FBXW7: variants seen among roughly 807,000 people sequenced by gnomAD.
FBXW7 encodes F-box and WD repeat domain containing 7.
FBXW7 carries 11 observed loss-of-function variants against 86.3 expected under a neutral mutation model. The ratio of observed to expected loss-of-function variants is 0.13; its 90% CI spans 0.08 to 0.21. The LOEUF is 0.21. Ranked by LOEUF, FBXW7 falls within the 10% of genes least tolerant of loss-of-function variation. The pLI, the probability that FBXW7 is intolerant of heterozygous loss-of-function variation, is 1.00. For synonymous variants in FBXW7, 313 were observed against 297.9 expected (o/e 1.05, Z -0.52); for missense variants, 488 against 847.4 (o/e 0.58, Z 5.27).
In FBXW7 at chr4:152,535,971, C is replaced by T. The variant is rs1750526596; in HGVS notation, c.-1057G>A. The T allele has an allele frequency of 1.1e-5, 3 of 271,282 alleles. No homozygotes were observed. Among genetic ancestry groups the T allele is most frequent in the Middle Eastern group, 1.0e-3 (1 of 1,002 alleles). 16.8% of individuals were successfully genotyped at this position (271,282 alleles called of 1,614,324 possible). ...CGGCCAGTGCAGGGGGACTGGATCT[C>T]TCGGATGCTCCTTCGCTCTCAGTCT... On this transcript the variant is annotated 5_prime_UTR_variant, in exon 1 of 14. Coordinates refer to ENST00000281708, the MANE Select transcript of FBXW7 (RefSeq NM_001349798.2).
At chr4:152,489,239 G>A (rs1745622497) in intron 2 of FBXW7, 1 of 154,360 alleles carries the variant, frequency 6.5e-6, no homozygotes, top group South Asian at 2.0e-4. Context: ...TGTTGCCCTC[G>A]AATTTGAACT....
intron 2 of FBXW7, among the ~76,000 whole-genome samples, chr4:152,460,305 A>T (rs990243026): frequency 6.6e-6 from 1 of 152,224 alleles, no homozygotes; most frequent in Non-Finnish European, 1.5e-5. Flanking sequence ...CCCAAACTCC[A>T]TTATAAACCC....
intron 2 of FBXW7, among the ~76,000 whole-genome samples, chr4:152,534,676 C>T (rs776599192): frequency 1.8e-4 from 28 of 152,144 alleles, no homozygotes; most frequent in Non-Finnish European, 3.4e-4. Context: ...TTCCCTTTGC[C>T]AACTGCTGGC....
intron 4 of FBXW7, among the ~76,000 whole-genome samples, chr4:152,376,903 G>A (rs1344194547): frequency 1.3e-5 from 2 of 151,258 alleles, no homozygotes; most frequent in African/African-American, 2.4e-5. Context: ...GACTAAAATT[G>A]TTACATAATC....
At chr4:152,473,123 A>T (rs1744108998) in intron 2 of FBXW7, among the ~76,000 whole-genome samples, 2 of 152,186 alleles carry the variant, frequency 1.3e-5, no homozygotes, top group Admixed American at 1.3e-4. Context: ...GTACACCTGT[A>T]GTCCCAGCTA....
At chr4:152,405,815 G>A (rs995893134) in intron 4 of FBXW7, among the ~76,000 whole-genome samples, 8 of 152,036 alleles carry the variant, frequency 5.3e-5, no homozygotes, top group African/African-American at 1.9e-4. Context: ...TCTATCCACT[G>A]ACCAGAAGAT....
chr4:152,457,660 A>G (rs965197798), intron 2 of FBXW7, among the ~76,000 whole-genome samples: 3 of 151,180 alleles, frequency 2.0e-5, no homozygotes, highest in Non-Finnish European at 2.9e-5. Flanking sequence ...AAAAAAAAAA[A>G]AAAAAGAACT....
At chr4:152,335,153 T>A (rs1729944530) in intron 7 of FBXW7, among the ~76,000 whole-genome samples, 1 of 152,152 alleles carries the variant, frequency 6.6e-6, no homozygotes, top group African/African-American at 2.4e-5. Context: ...TGAATGTCCA[T>A]ATTCCCTCAA....
At chr4:152,431,234 A>G (rs930838980) in intron 2 of FBXW7, among the ~76,000 whole-genome samples, 5 of 152,248 alleles carry the variant, frequency 3.3e-5, no homozygotes, top group African/African-American at 1.2e-4. Context: ...GTCAAAAGAC[A>G]AAATTACAAC....
intron 2 of FBXW7, among the ~76,000 whole-genome samples, chr4:152,477,280 A>G (rs1418838029): frequency 1.3e-5 from 2 of 152,162 alleles, no homozygotes; most frequent in East Asian, 1.9e-4. Flanking sequence ...AGAAAAATAT[A>G]AAAGTTCTAA....
At chr4:152,511,789 C>A (rs560425081) in intron 2 of FBXW7, among the ~76,000 whole-genome samples, 2 of 152,234 alleles carry the variant, frequency 1.3e-5, no homozygotes, top group East Asian at 3.9e-4. Flanking sequence ...ACGCTTTTCT[C>A]TGTAAAATGT....
At chr4:152,342,224 G>A (rs1730814215) in intron 6 of FBXW7, among the ~76,000 whole-genome samples, 1 of 152,104 alleles carries the variant, frequency 6.6e-6, no homozygotes. Context: ...GTAAATTAGG[G>A]CACAGAGGTA....
chr4:152,447,372 G>GAGGT (rs1196018238), intron 2 of FBXW7, among the ~76,000 whole-genome samples: 2 of 152,152 alleles, frequency 1.3e-5, no homozygotes, highest in Non-Finnish European at 2.9e-5. Context: ...ACATGAGGTA[G>GAGGT]AGGTATTGGT....
At chr4:152,340,204 C>G (rs1009655237) in intron 6 of FBXW7, among the ~76,000 whole-genome samples, 9 of 152,060 alleles carry the variant, frequency 5.9e-5, no homozygotes, top group African/African-American at 2.2e-4. Flanking sequence ...TTAATAAGAA[C>G]CAGAGACAAT....
chr4:152,513,932 T>C (rs1323554337), intron 2 of FBXW7, among the ~76,000 whole-genome samples: 2 of 152,246 alleles, frequency 1.3e-5, no homozygotes, highest in African/African-American at 4.8e-5. Flanking sequence ...TTACTTGAAA[T>C]GTGACTAAGT....
At chr4:152,465,700 C>A (rs574145368) in intron 2 of FBXW7, among the ~76,000 whole-genome samples, 1 of 151,846 alleles carries the variant, frequency 6.6e-6, no homozygotes, top group African/African-American at 2.4e-5. Context: ...AAAAATTAGC[C>A]GGGCATGATG....
intron 2 of FBXW7, among the ~76,000 whole-genome samples, chr4:152,502,319 G>A (rs1747031582): frequency 6.6e-6 from 1 of 152,070 alleles, no homozygotes; most frequent in African/African-American, 2.4e-5. Flanking sequence ...TGTGACCACT[G>A]TACTGCATAT....
At chr4:152,496,882 TATCAG>T (rs1746398640) in intron 2 of FBXW7, among the ~76,000 whole-genome samples, 1 of 152,158 alleles carries the variant, frequency 6.6e-6, no homozygotes, top group Non-Finnish European at 1.5e-5. Context: ...AGATTCACCT[TATCAG>T]ATAACAAGAT....
chr4:152,530,882 T>C (rs1749969750), intron 2 of FBXW7: 1 of 152,226 alleles, frequency 6.6e-6, no homozygotes, highest in African/African-American at 2.4e-5. Context: ...TTGTGACAGA[T>C]CATGTGGCCT....
Sources: allele counts gnomAD v4.1 joint callset (sites outside exome capture counted in the v4.1 genomes callset), GRCh38; gene constraint gnomAD v4.1.1; transcripts MANE v1.5; gene names NCBI Gene and HGNC (gene_info 2026-07-23, HGNC 2026-07-21).